Variants in USP31 observed in about 807,000 individuals in gnomAD.
The protein encoded by USP31 is ubiquitin specific peptidase 31.
USP31 carries 44 observed loss-of-function variants against 119.4 expected under a neutral mutation model. The observed-to-expected ratio is 0.37, with a 90% CI of 0.29 to 0.47. The LOEUF is 0.47. Among genes scored for constraint, USP31 ranks in the 20% least tolerant of loss-of-function variants. The pLI, the probability that USP31 is intolerant of heterozygous loss-of-function variation, is 0.99. For synonymous variants in USP31, 749 were observed against 705.6 expected (o/e 1.06, Z -0.97); for missense variants, 1,643 against 1,730.2 (o/e 0.95, Z 0.89).
intron 6 of USP31, among the ~76,000 whole-genome samples, chr16:23,099,647 A>G (rs1306604622): frequency 6.6e-6 from 1 of 152,230 alleles, no homozygotes; most frequent in East Asian, 1.9e-4. Flanking sequence ...CAGACATGAC[A>G]ACAAAAGCAC....
rs1901333924 is a variant in USP31 at position 23,090,889 on chromosome 16, AATT to A, written c.1235-88_1235-86del. ...ATGAAGAAATTTACCCAACAGAGAA[AATT>A]TTTTTTAAAAATGTCATTATGTAAA... On this transcript the variant is annotated intron_variant, in intron 6 of 15. Coordinates refer to ENST00000219689, the MANE Select transcript of USP31 (RefSeq NM_020718.4). 4 of 1,288,388 alleles carry A rather than the reference AATT, an allele frequency of 3.1e-6. No individual in the cohort carries two copies. In the South Asian group the frequency reaches 9.6e-5, roughly 31 times the overall value. The allele number at this position is 1,288,388 out of a possible 1,614,324, so 79.8% of individuals were successfully genotyped here.
At chr16:23,071,672 C>G (rs981183297) in intron 15 of USP31, among the ~76,000 whole-genome samples, 2 of 152,056 alleles carry the variant, frequency 1.3e-5, no homozygotes, top group African/African-American at 4.8e-5. Context: ...GGAGCCGACT[C>G]CCCACCACGT....
chr16:23,128,323 AGGCT>A (rs1902928653), intron 1 of USP31, among the ~76,000 whole-genome samples: 1 of 152,202 alleles, frequency 6.6e-6, no homozygotes, highest in Admixed American at 6.5e-5. Flanking sequence ...TTGACATGCC[AGGCT>A]ACTAGTACAG....
In USP31 at chr16:23,069,559, C is replaced by A; in HGVS notation, c.2546G>T (p.Arg849Ile). The A allele has an allele frequency of 6.2e-7, 1 of 1,613,948 alleles. No homozygotes were observed. Among genetic ancestry groups the A allele is most frequent in the Non-Finnish European group, 8.5e-7 (1 of 1,179,824 alleles). The change falls in exon 16 of 16, where the codon AGA (arginine) becomes ATA (isoleucine). Residue 849 changes from arginine (R) to isoleucine (I), a missense_variant. Transcript: ENST00000219689. ...RSVQRQSLSS[R>I]SSVTSPLAVN... is the part of the protein sequence containing the mutation. The stretch of plus-strand genomic sequence containing the variant: ...GGCCAAGGGGCTGGTGACAGAAGAT[C>A]TGGATGACAAACTCTGACGCTGGAC...
intron 9 of USP31, among the ~76,000 whole-genome samples, chr16:23,086,194 T>C (rs1901100705): frequency 6.6e-6 from 1 of 152,192 alleles, no homozygotes; most frequent in Non-Finnish European, 1.5e-5. Context: ...CTATCTCATC[T>C]TGTTTGTTAT....
chr16:23,120,898 C>T lies in USP31; in HGVS notation c.634-12715G>A, dbSNP rs138799595. Among the ~76,000 whole-genome samples, 149 of 152,240 alleles carry T rather than the reference C, an allele frequency of 9.8e-4. 1 individual carries two copies. Among genetic ancestry groups the T allele is most frequent in the African/African-American group, 3.3e-3 (138 of 41,542 alleles). On this transcript the variant is annotated intron_variant, in intron 1 of 15. Transcript: ENST00000219689. ...TTGAACTACCCCTAAGCCAAAGATC[C>T]ATATATTTCTTCTATAAACACACAC...
At chr16:23,086,000 A>AACAG (rs1901092608) in intron 9 of USP31, among the ~76,000 whole-genome samples, 1 of 152,032 alleles carries the variant, frequency 6.6e-6, no homozygotes, top group Admixed American at 6.6e-5. Context: ...CACCCACCCA[A>AACAG]ACAGACACTG....
intron 11 of USP31, among the ~76,000 whole-genome samples, chr16:23,082,831 C>CTTTTTTTTTTTTTT (rs71151692): frequency 6.2e-5 from 8 of 129,328 alleles, no homozygotes; most frequent in South Asian, 2.5e-4. Context: ...CTTTCTCTCT[C>CTTTTTTTTTTTTTT]TTTTTTTTTT....
chr16:23,119,178 G>A (rs969538033), intron 1 of USP31, among the ~76,000 whole-genome samples: 8 of 149,590 alleles, frequency 5.3e-5, no homozygotes, highest in South Asian at 2.1e-4. Flanking sequence ...AGCTCACTGC[G>A]ACCTCCGCCT....
chr16:23,124,188 A>G (rs1480700287), intron 1 of USP31, among the ~76,000 whole-genome samples: 1 of 152,172 alleles, frequency 6.6e-6, no homozygotes, highest in Non-Finnish European at 1.5e-5. Context: ...CACTAGCCCC[A>G]AAAGAAACCT....
In USP31 at chr16:23,149,261, C is replaced by G; in HGVS notation, c.10G>C (p.Val4Leu). The G allele has an allele frequency of 9.1e-7, 1 of 1,096,932 alleles. No homozygotes were observed. The highest frequency in any genetic ancestry group is 1.1e-6 in the Non-Finnish European group (1 of 902,354). 67.9% of individuals were successfully genotyped at this position (1,096,932 alleles called of 1,614,324 possible). Residue 4 changes from valine to leucine, a missense_variant, in exon 1 of 16, where the codon GTA becomes CTA. By Grantham distance (32) the Val-to-Leu change is conservative. Transcript: ENST00000219689. The part of the protein sequence containing the change: MSK[V>L]TAPGSGPPAA... Reference sequence around the variant, plus strand: ...GGCGGCCCGGACCCAGGCGCCGTTACCTTGGACATGGCGGCGGCCGCAGAC... The same window carrying G: ...GGCGGCCCGGACCCAGGCGCCGTTAGCTTGGACATGGCGGCGGCCGCAGAC...
intron 6 of USP31, among the ~76,000 whole-genome samples, chr16:23,095,528 C>T (rs966195357): frequency 2.0e-5 from 3 of 152,100 alleles, no homozygotes; most frequent in Non-Finnish European, 2.9e-5. Context: ...AGAAGAACAA[C>T]CCCAAGACAC....
At position 23,068,949 on chromosome 16, in the gene USP31, G is replaced by T. The variant is rs139780223; in HGVS notation, c.3156C>A (p.Ser1052=). Residue 1052 remains serine, a synonymous_variant, in exon 16 of 16, where the codon TCC becomes TCA. Transcript: ENST00000219689. ...GRPALASQES[S]LSSTSPSSPL... ...GAGAAGAAGGGGATGTACTTGAAAG[G>T]GATGACTCCTGGCTTGCCAAGGCTG... The T allele has an allele frequency of 6.2e-7, 1 of 1,614,188 alleles. No individual in the cohort carries two copies. Among genetic ancestry groups the T allele is most frequent in the East Asian group, 2.2e-5 (1 of 44,878 alleles).
rs755524223 is a variant in USP31 at position 23,065,419 on chromosome 16, A to G, written c.*2627T>C. The G allele has an allele frequency of 1.3e-5, 2 of 152,536 alleles. No individual in the cohort carries two copies. The highest frequency in any genetic ancestry group is 2.4e-5 in the African/African-American group (1 of 41,452). The allele number at this position is 152,536 out of a possible 1,614,324, so 9.4% of individuals were successfully genotyped here. A position where few individuals can be genotyped will look rare whatever the true frequency, so the allele number is the denominator to read the frequency against. On this transcript the variant is annotated 3_prime_UTR_variant, in exon 16 of 16. Transcript: ENST00000219689. ...TGAATCAAGTAACTACTTTCCCACA[A>G]GATACTTCCCACCTCAAGGAGCACC...
rs1021534275 is a variant in USP31, at chr16:23,148,204, CTTACAAAGTAGGTCCCCCAGA to C, written c.633+413_633+433del. Among the ~76,000 whole-genome samples, 25 of 152,154 alleles carry C rather than the reference CTTACAAAGTAGGTCCCCCAGA, an allele frequency of 1.6e-4. 1 individual carries two copies. The highest frequency in any genetic ancestry group is 6.5e-4 in the Admixed American group (10 of 15,272). On this transcript the variant is annotated intron_variant, in intron 1 of 15. Coordinates refer to ENST00000219689, the MANE Select transcript of USP31 (RefSeq NM_020718.4). ...TAACTTGTTTGCAGCTCACAACCAC[CTTACAAAGTAGGTCCCCCAGA>C]TGAAGAAACTGTAAGAACAGAGAGG...
At chr16:23,086,561 A>C (rs1477967083) in intron 9 of USP31, among the ~76,000 whole-genome samples, 1 of 152,150 alleles carries the variant, frequency 6.6e-6, no homozygotes, top group Non-Finnish European at 1.5e-5. Context: ...GGAATTACGG[A>C]CGGAGGAAAC....
chr16:23,128,478 C>G (rs1902932936), intron 1 of USP31, among the ~76,000 whole-genome samples: 1 of 152,030 alleles, frequency 6.6e-6, no homozygotes, highest in Non-Finnish European at 1.5e-5. Context: ...TAAAAATTCA[C>G]TAAACACAAC....
chr16:23,109,442 A>C (rs936282601), intron 1 of USP31, among the ~76,000 whole-genome samples: 7 of 152,182 alleles, frequency 4.6e-5, no homozygotes, highest in African/African-American at 1.7e-4. Context: ...AAAAAGTATA[A>C]ATTGATATAA....
chr16:23,082,780 T>C lies in USP31; in HGVS notation c.1831-223A>G, dbSNP rs187020410. Among the ~76,000 whole-genome samples the C allele has an allele frequency of 2.1e-4, 32 of 151,742 alleles. No individual in the cohort carries two copies. The East Asian group carries it at 2.3e-3, about 11-fold the overall frequency. On this transcript the variant is annotated intron_variant, in intron 11 of 15. Transcript: ENST00000219689. The stretch of plus-strand genomic sequence containing the variant: ...AGATTATCCCTCAAAGAGGAACGAC[T>C]AAATCGGTAAATACTGTATAAATGT...
Sources: gnomAD v4.1 joint callset for allele counts (sites outside exome capture counted in the v4.1 genomes callset) on GRCh38, gnomAD v4.1.1 for gene constraint, MANE v1.5 for transcripts, NCBI Gene and HGNC (gene_info 2026-07-23, HGNC 2026-07-21) for gene names.